ALPK1: variants seen among roughly 807,000 people sequenced by gnomAD.
The protein encoded by ALPK1 is alpha kinase 1, also known as alpha-protein kinase 1.
In ALPK1, 110 loss-of-function variants were observed where a neutral mutation model predicts 120.6. The ratio of observed to expected loss-of-function variants is 0.91; its 90% confidence interval spans 0.78 to 1.07. ALPK1 has a LOEUF of 1.07. Ranked by LOEUF, ALPK1 falls within the 50% of genes least tolerant of loss-of-function variation. The probability of loss-of-function intolerance (pLI) is 0.00; values close to 1 mark genes in which losing one functional copy is unlikely to be tolerated. For synonymous variants in ALPK1, 582 were observed against 560.3 expected, an observed-to-expected ratio of 1.04 and a Z score of -0.55; for missense variants, 1,498 against 1,483.9, an observed-to-expected ratio of 1.01 and a Z score of -0.16.
At chr4:112,351,655 G>A (rs1730362589) in intron 2 of ALPK1, among the ~76,000 whole-genome samples, 1 of 151,978 alleles carries the variant, frequency 6.6e-6, no homozygotes, top group African/African-American at 2.4e-5. Flanking sequence ...TGTGTTTTTA[G>A]TAGAGATGGG....
intron 2 of ALPK1, among the ~76,000 whole-genome samples, chr4:112,327,419 T>G (rs1426708864): frequency 6.6e-6 from 1 of 152,194 alleles, no homozygotes; most frequent in East Asian, 1.9e-4. Flanking sequence ...AAAACATTAG[T>G]GAAAAGTGTT....
intron 2 of ALPK1, chr4:112,357,157 GC>G (rs1365231146): frequency 1.3e-6 from 2 of 1,488,112 alleles, no homozygotes; most frequent in South Asian, 1.2e-5. Context: ...GTGTCACCAA[GC>G]CAGGGAGCTA....
At chr4:112,356,039 G>T in intron 2 of ALPK1, 1 of 740,110 alleles carries the variant, frequency 1.4e-6, no homozygotes, top group Non-Finnish European at 2.5e-6. Context: ...TACCAAGAGC[G>T]GCTGAGAGCC....
chr4:112,358,124 G>A (rs1188290157), intron 2 of ALPK1: 7 of 605,162 alleles, frequency 1.2e-5, no homozygotes, highest in Non-Finnish European at 2.2e-5. Context: ...GGTTGGGGCT[G>A]GGGGCCAGTT....
At chr4:112,319,539 T>A (rs1340239547) in intron 2 of ALPK1, among the ~76,000 whole-genome samples, 1 of 152,194 alleles carries the variant, frequency 6.6e-6, no homozygotes, top group East Asian at 1.9e-4. Flanking sequence ...CTTTTCTGGT[T>A]CCATATGAAT....
chr4:112,370,991 CT>C (rs572406409), intron 2 of ALPK1, among the ~76,000 whole-genome samples: 2 of 152,154 alleles, frequency 1.3e-5, no homozygotes, highest in Non-Finnish European at 2.9e-5. Context: ...TTCTACGCTT[CT>C]TGTCTCAAAA....
rs1351863587 is a variant in ALPK1 at position 112,429,869 on chromosome 4, A to G, written c.901-579A>G. 4.6e-5 allele frequency among the ~76,000 whole-genome samples: 7 copies of G among 151,342 alleles called. No individual in the cohort carries two copies. In the East Asian group the frequency reaches 1.4e-3, roughly 29 times the overall value. On this transcript the variant is annotated intron_variant, in intron 10 of 15. Coordinates refer to ENST00000650871, the MANE Select transcript of ALPK1 (RefSeq NM_025144.4). The stretch of plus-strand genomic sequence containing the variant: ...AAAAAAAAAAAGAAAAGAAAAGAGA[A>G]AAAGAAAAAGAAAAAAAAAAGAAAG...
Position 112,426,502 on chromosome 4 carries a change from T to TC in ALPK1, c.660dup (p.Ile221HisfsTer12). On this transcript the variant is annotated frameshift_variant, in exon 8 of 16. Transcript: ENST00000650871. LOFTEE classifies it high-confidence loss of function. ...CGAAGCAGCAGAGTTAATATGGGCC[T>TC]CCATTGTAGGATATTTGGCACTTCC... The TC allele has an allele frequency of 6.3e-7, 1 of 1,597,926 alleles. No homozygotes were observed. Among genetic ancestry groups the TC allele is most frequent in the African/African-American group, 1.4e-5 (1 of 73,790 alleles).
chr4:112,300,434 A>T (rs1467441018), intron 1 of ALPK1, among the ~76,000 whole-genome samples: 1 of 151,874 alleles, frequency 6.6e-6, no homozygotes, highest in African/African-American at 2.4e-5. Context: ...ATAGAACTAT[A>T]TTGCTAATAA....
chr4:112,380,740 A>T (rs1263821928), intron 3 of ALPK1, among the ~76,000 whole-genome samples: 1 of 152,154 alleles, frequency 6.6e-6, no homozygotes, highest in African/African-American at 2.4e-5. Context: ...CTAGAAGATG[A>T]ACCTTGTCTT....
chr4:112,364,274 G>T (rs750322542), intron 2 of ALPK1, among the ~76,000 whole-genome samples: 4 of 151,392 alleles, frequency 2.6e-5, no homozygotes, highest in Non-Finnish European at 4.4e-5. Context: ...AAAACAAAAA[G>T]CTGGTTCTTT....
At position 112,361,133 on chromosome 4, in the gene ALPK1, G is replaced by A. The variant is rs151328206; in HGVS notation, c.-100-16545G>A. Among the ~76,000 whole-genome samples, 11 of 151,974 alleles carry A rather than the reference G, an allele frequency of 7.2e-5. No homozygotes were observed. In the East Asian group the frequency reaches 1.3e-3, roughly 19 times the overall value. ...CTCACTCAGATGGACAGAACAGCAT[G>A]CAGAGACCCACATTTGTGAACTTTT... On this transcript the variant is annotated intron_variant, in intron 2 of 15. Coordinates refer to ENST00000650871, the MANE Select transcript of ALPK1 (RefSeq NM_025144.4).
At chr4:112,384,369 T>C (rs1732058696) in intron 4 of ALPK1, 1 of 152,258 alleles carries the variant, frequency 6.6e-6, no homozygotes. Flanking sequence ...GTGTTCAATA[T>C]GGTAGCCACT....
intron 6 of ALPK1, chr4:112,424,957 A>C (rs538656897): frequency 2.5e-4 from 38 of 152,044 alleles, no homozygotes; most frequent in African/African-American, 7.9e-4. Flanking sequence ...GTCCGATTAA[A>C]ACAAACAAAC....
At chr4:112,386,859 A>G (rs987259336) in intron 4 of ALPK1, among the ~76,000 whole-genome samples, 20 of 152,288 alleles carry the variant, frequency 1.3e-4, no homozygotes, top group Middle Eastern at 3.4e-3. Context: ...CTCTTATTTA[A>G]AAATAAAATT....
chr4:112,413,160 G>C (rs1368981433), intron 5 of ALPK1, among the ~76,000 whole-genome samples: 1 of 152,190 alleles, frequency 6.6e-6, no homozygotes, highest in Non-Finnish European at 1.5e-5. Flanking sequence ...AACAACTGTT[G>C]TTCCTTCTGA....
chr4:112,431,385 A>G lies in ALPK1; in HGVS notation c.1838A>G (p.Lys613Arg). Residue 613 changes from lysine (K) to arginine (R), a missense_variant, in exon 11 of 16, where the codon AAA becomes AGA. Coordinates refer to ENST00000650871, the MANE Select transcript of ALPK1 (RefSeq NM_025144.4). The part of the protein sequence containing the change: ...DDRSARKEPG[K>R]EHLVDTQCST... ...AGGTCAGCCAGAAAAGAGCCTGGCA[A>G]AGAACATCTGGTGGACACTCAGTGT... 1 of 1,614,220 alleles carries G rather than the reference A, an allele frequency of 6.2e-7. No individual in the cohort carries two copies. The highest frequency in any genetic ancestry group is 8.5e-7 in the Non-Finnish European group (1 of 1,180,040).
chr4:112,366,348 GA>G (rs576865507), intron 2 of ALPK1, among the ~76,000 whole-genome samples: 2 of 146,662 alleles, frequency 1.4e-5, no homozygotes, highest in South Asian at 2.1e-4. Context: ...AAATCACCAA[GA>G]AAAAAAAACA....
At chr4:112,436,737 T>G (rs1177458523) in intron 12 of ALPK1, among the ~76,000 whole-genome samples, 7 of 152,144 alleles carry the variant, frequency 4.6e-5, no homozygotes, top group Admixed American at 4.6e-4. Flanking sequence ...TACTATAGGC[T>G]TCAGAACTGT....
Sources: allele counts gnomAD v4.1 joint callset (sites outside exome capture counted in the v4.1 genomes callset), GRCh38; gene constraint gnomAD v4.1.1; transcripts MANE v1.5; gene names NCBI Gene and HGNC (gene_info 2026-07-23, HGNC 2026-07-21).